CACNA1E: variants seen among roughly 807,000 people sequenced by gnomAD.
The protein encoded by CACNA1E is calcium voltage-gated channel subunit alpha1 E.
A neutral mutation model predicts 259.2 loss-of-function variants in CACNA1E; 40 were observed. That is an observed-to-expected ratio of 0.15 (90% CI 0.12 to 0.20). CACNA1E has a LOEUF of 0.20. Ranked by LOEUF, CACNA1E falls within the 10% of genes least tolerant of loss-of-function variation. The pLI is 1.00. For synonymous variants in CACNA1E, 1,104 were observed against 1,138.5 expected (o/e 0.97, Z 0.61); for missense variants, 1,874 against 3,040.1 (o/e 0.62, Z 9.02).
At chr1:181,756,453 C>T (rs1327086003) in intron 29 of CACNA1E, among the ~76,000 whole-genome samples, 4 of 152,120 alleles carry the variant, frequency 2.6e-5, no homozygotes, top group African/African-American at 9.7e-5. Context: ...GGGCCCAGCA[C>T]CTGAAAGCCT....
intron 1 of CACNA1E, among the ~76,000 whole-genome samples, chr1:181,396,171 C>T (rs575919645): frequency 2.0e-5 from 3 of 152,342 alleles, no homozygotes; most frequent in African/African-American, 7.2e-5. Context: ...TGGCTTCCCC[C>T]ACAGCAAGTG....
intron 3 of CACNA1E, among the ~76,000 whole-genome samples, chr1:181,532,059 AAAAAGAAAAG>A (rs982589059): frequency 6.6e-6 from 1 of 152,160 alleles, no homozygotes; most frequent in African/African-American, 2.4e-5. Flanking sequence ...TCATCTCAAA[AAAAAGAAAAG>A]AAAAGAAAAG....
At chr1:181,784,552 CT>C (rs1660702609) in intron 40 of CACNA1E, 108 bp from the exon 41 acceptor site, 2 of 671,034 alleles carry the variant, frequency 3.0e-6, no homozygotes, top group South Asian at 4.0e-5. Context: ...CCAAGATTTC[CT>C]CTTAAAATAT....
chr1:181,725,973 G>T, intron 17 of CACNA1E, 92 bp from the exon 18 acceptor site: 1 of 761,698 alleles, frequency 1.3e-6, no homozygotes, highest in Non-Finnish European at 2.2e-6. Context: ...CACTTCACTT[G>T]GTATTCAGAA....
intron 3 of CACNA1E, among the ~76,000 whole-genome samples, chr1:181,515,976 C>T (rs903687797): frequency 6.6e-6 from 1 of 152,138 alleles, no homozygotes; most frequent in Non-Finnish European, 1.5e-5. Context: ...CAGCCTTCCC[C>T]CTTGGCCTGG....
chr1:181,590,843 G>A (rs1652575949), intron 6 of CACNA1E, among the ~76,000 whole-genome samples: 1 of 150,774 alleles, frequency 6.6e-6, no homozygotes, highest in African/African-American at 2.4e-5. Context: ...GCTGGTATCT[G>A]TGGATGGGCT....
Position 181,732,562 on chromosome 1 carries a change from C to T in CACNA1E, c.2476C>T (p.Leu826Phe), listed in dbSNP as rs1194673783. Residue 826 changes from leucine (L) to phenylalanine (F), a missense_variant, in exon 20 of 48, where the codon CTT (leucine) becomes TTT (phenylalanine). Physicochemically the swap from Leu to Phe is conservative, Grantham distance 22 (BLOSUM62 0). This residue lies in a region of CACNA1E where 476 missense variants were observed against 514.0 expected (regional missense o/e 0.93). Coordinates refer to ENST00000367573, the MANE Select transcript of CACNA1E (RefSeq NM_001205293.3). The surrounding 1 kb of genome is among the most constrained non-coding windows in gnomAD (Gnocchi z 5.5). ...SLNPLNAHPS[L>F]YRRPRAIEGL... ...CAACCCGCTCAATGCCCACCCCAGC[C>T]TTTATCGGCGACCCAGGGCCATTGA... 6.5e-7 allele frequency: 1 copy of T among 1,541,554 alleles called. No individual in the cohort carries two copies. The highest frequency in any genetic ancestry group is 8.8e-7 in the Non-Finnish European group (1 of 1,142,440).
chr1:181,539,304 A>C, intron 3 of CACNA1E, among the ~76,000 whole-genome samples: 1 of 152,314 alleles, frequency 6.6e-6, no homozygotes, highest in Middle Eastern at 3.4e-3. Flanking sequence ...ATTGTATTCT[A>C]TTTGAACTCC....
At chr1:181,318,831 C>T (rs1487447364) in intron 1 of CACNA1E, among the ~76,000 whole-genome samples, 1 of 152,012 alleles carries the variant, frequency 6.6e-6, no homozygotes, top group Non-Finnish European at 1.5e-5. Flanking sequence ...AATTGGGGCT[C>T]GAAGTAGGGG....
chr1:181,587,258 C>T (rs2103007331), intron 6 of CACNA1E, among the ~76,000 whole-genome samples: 1 of 152,182 alleles, frequency 6.6e-6, no homozygotes, highest in South Asian at 2.1e-4. Context: ...ACATAGTTTT[C>T]CAGAAGACTG....
At chr1:181,497,413 C>T (rs770764951) in intron 1 of CACNA1E, among the ~76,000 whole-genome samples, 6 of 152,142 alleles carry the variant, frequency 3.9e-5, no homozygotes, top group Non-Finnish European at 7.3e-5. Flanking sequence ...ATCTTACCTT[C>T]GTGTCTTTTT....
At chr1:181,493,040 C>T (rs1316342839) in intron 1 of CACNA1E, among the ~76,000 whole-genome samples, 2 of 152,034 alleles carry the variant, frequency 1.3e-5, no homozygotes, top group Non-Finnish European at 2.9e-5. Flanking sequence ...CCATTAAGTC[C>T]CTCTAGTACA....
chr1:181,569,566 G>A (rs1650197247), intron 3 of CACNA1E, among the ~76,000 whole-genome samples: 1 of 152,230 alleles, frequency 6.6e-6, no homozygotes, highest in Admixed American at 6.5e-5. Flanking sequence ...AAAAGAAATA[G>A]AGAGCAAAAC....
chr1:181,510,677 G>A (rs1054603220), intron 2 of CACNA1E, 95 bp downstream of exon 2: 1 of 783,334 alleles, frequency 1.3e-6, no homozygotes, highest in Non-Finnish European at 2.2e-6. Flanking sequence ...TCCTGCCTGT[G>A]AGTTCTGGGA....
At chr1:181,533,690 A>G (rs1210603032) in intron 3 of CACNA1E, among the ~76,000 whole-genome samples, 1 of 152,108 alleles carries the variant, frequency 6.6e-6, no homozygotes, top group Non-Finnish European at 1.5e-5. Flanking sequence ...CATTTTCACA[A>G]TGTTGAATCT....
intron 1 of CACNA1E, among the ~76,000 whole-genome samples, chr1:181,364,970 C>T (rs185697266): frequency 6.6e-6 from 1 of 152,150 alleles, no homozygotes; most frequent in East Asian, 1.9e-4. Context: ...CTGTACAAGC[C>T]TTTGGAAGCG....
intron 25 of CACNA1E, among the ~76,000 whole-genome samples, chr1:181,746,356 A>C (rs1173048043): frequency 6.6e-6 from 1 of 152,212 alleles, no homozygotes; most frequent in Admixed American, 6.5e-5. Flanking sequence ...CCTGTTTTAC[A>C]GTTGAGAAGT....
chr1:181,639,276 G>A (rs1657530810), intron 6 of CACNA1E, among the ~76,000 whole-genome samples: 1 of 152,112 alleles, frequency 6.6e-6, no homozygotes, highest in African/African-American at 2.4e-5. Flanking sequence ...TTTCAGTAGA[G>A]ATGGGGTTTC....
intron 39 of CACNA1E, among the ~76,000 whole-genome samples, chr1:181,782,401 C>T (rs1191687821): frequency 6.6e-6 from 1 of 152,146 alleles, no homozygotes; most frequent in Non-Finnish European, 1.5e-5. Context: ...CTGTTAGTTC[C>T]CCTTTGCTAT....
Sources: allele counts gnomAD v4.1 joint callset (sites outside exome capture counted in the v4.1 genomes callset), GRCh38; gene constraint gnomAD v4.1.1; regional missense constraint gnomAD v4.1.1; non-coding constraint Gnocchi (gnomAD v3.1); transcripts MANE v1.5; gene names NCBI Gene and HGNC (gene_info 2026-07-23, HGNC 2026-07-21).